Variants in PIK3C2B observed in about 807,000 individuals in gnomAD.
PIK3C2B encodes the protein phosphatidylinositol 4-phosphate 3-kinase C2 domain-containing subunit beta.
In PIK3C2B, 83 loss-of-function variants were observed where a neutral mutation model predicts 184.3. The observed-to-expected ratio is 0.45, with a 90% CI of 0.38 to 0.54. The LOEUF (loss-of-function observed/expected upper bound fraction) is 0.54. Among genes scored for constraint, PIK3C2B ranks in the 20% least tolerant of loss-of-function variants. The probability of loss-of-function intolerance (pLI) is 0.00; values close to 1 mark genes in which losing one functional copy is unlikely to be tolerated. For synonymous variants in PIK3C2B, 779 were observed against 837.6 expected (o/e 0.93, Z 1.21); for missense variants, 1,736 against 2,113.5 (o/e 0.82, Z 3.50).
At chr1:204,434,679 C>T in intron 23 of PIK3C2B, 71 bp from the exon 24 acceptor site, 1 of 1,303,598 alleles carries the variant, frequency 7.7e-7, no homozygotes, top group Non-Finnish European at 1.1e-6. Flanking sequence ...GGGCCACAGC[C>T]AGACAGAACT....
intron 31 of PIK3C2B, 126 bp from the exon 32 acceptor site, chr1:204,425,867 A>T (rs557825595): frequency 1.5e-5 from 12 of 797,528 alleles, no homozygotes; most frequent in Non-Finnish European, 2.3e-5. Flanking sequence ...TGCACAACTA[A>T]TTTATTTGTC....
intron 1 of PIK3C2B, chr1:204,489,885 T>G: frequency 5.0e-6 from 2 of 397,172 alleles, no homozygotes; most frequent in Non-Finnish European, 8.9e-6. Context: ...CCCTCTACTC[T>G]TCTTCCCTCA....
At chr1:204,462,621 T>A (rs1655428215) in intron 5 of PIK3C2B, among the ~76,000 whole-genome samples, 1 of 152,156 alleles carries the variant, frequency 6.6e-6, no homozygotes, top group African/African-American at 2.4e-5. Flanking sequence ...AGTGTGTACA[T>A]AAGTGAGTTT....
At chr1:204,452,288 C>CTTTTTTTTTTTTTT (rs71145086) in intron 12 of PIK3C2B, among the ~76,000 whole-genome samples, 1 of 71,078 alleles carries the variant, frequency 1.4e-5, no homozygotes, top group Non-Finnish European at 2.4e-5. Flanking sequence ...GTGCAGCACC[C>CTTTTTTTTTTTTTT]TTTTTTTTTT....
At chr1:204,435,800 T>G (rs1179680270) in intron 23 of PIK3C2B, 1 of 152,188 alleles carries the variant, frequency 6.6e-6, no homozygotes, top group East Asian at 1.9e-4. Flanking sequence ...AACCTGATGA[T>G]GGATCCACCA....
chr1:204,475,994 C>A (rs1346370265), intron 1 of PIK3C2B, among the ~76,000 whole-genome samples: 3 of 152,094 alleles, frequency 2.0e-5, no homozygotes, highest in Non-Finnish European at 4.4e-5. Flanking sequence ...GGAAATGGGA[C>A]AAACAGCATC....
chr1:204,455,189 G>C (rs576036246), intron 11 of PIK3C2B, among the ~76,000 whole-genome samples: 2 of 152,238 alleles, frequency 1.3e-5, no homozygotes, highest in Non-Finnish European at 1.5e-5. Context: ...GCCAACACAC[G>C]GGGGTCCCTG....
intron 23 of PIK3C2B, among the ~76,000 whole-genome samples, chr1:204,437,187 T>C (rs1457237419): frequency 3.3e-5 from 5 of 151,746 alleles, no homozygotes; most frequent in Non-Finnish European, 7.4e-5. Flanking sequence ...TTGAAGAACT[T>C]ATCCACACTT....
chr1:204,491,182 G>A lies in PIK3C2B; in HGVS notation c.-85+3174C>T, dbSNP rs571989744. On this transcript the variant is annotated intron_variant, in intron 1 of 32. Transcript: ENST00000684373. ...GCAGGTGGATCACCTGAGGTCAGGA[G>A]TTCGAGACCAGCCTGGCCAACATGG... 9.9e-5 allele frequency among the ~76,000 whole-genome samples: 15 copies of A among 152,230 alleles called. No homozygotes were observed. In the East Asian group the frequency reaches 2.7e-3, roughly 27 times the overall value.
chr1:204,472,879 T>C (rs573000350), intron 1 of PIK3C2B, among the ~76,000 whole-genome samples: 2 of 152,332 alleles, frequency 1.3e-5, no homozygotes, highest in African/African-American at 4.8e-5. Flanking sequence ...CCCAGGAGAT[T>C]CTAATGTGTA....
intron 5 of PIK3C2B, among the ~76,000 whole-genome samples, chr1:204,460,957 C>G (rs1298755858): frequency 6.6e-6 from 1 of 152,154 alleles, no homozygotes; most frequent in Non-Finnish European, 1.5e-5. Flanking sequence ...GGGCTGGGAA[C>G]TGTTGGAGAG....
At chr1:204,440,803 G>A (rs1675619408) in intron 21 of PIK3C2B, among the ~76,000 whole-genome samples, 1 of 149,910 alleles carries the variant, frequency 6.7e-6, no homozygotes, top group African/African-American at 2.5e-5. Flanking sequence ...AGTAGAGATG[G>A]GGTCTCACCA....
chr1:204,424,573 T>C lies in PIK3C2B; in HGVS notation c.*279A>G, dbSNP rs1674646565. On this transcript the variant is annotated 3_prime_UTR_variant, in exon 33 of 33. Transcript: ENST00000684373. ...CCCCACACACTCCCCAAACCAAGCA[T>C]TGCTCCCTTGACACAAGGTAAACTT... The C allele has an allele frequency of 2.1e-6, 1 of 484,046 alleles. No homozygotes were observed. Among genetic ancestry groups the C allele is most frequent in the African/African-American group, 2.4e-5 (1 of 42,546 alleles). 30.0% of individuals were successfully genotyped at this position (484,046 alleles called of 1,614,324 possible).
chr1:204,427,874 C>G (rs1674831523), intron 30 of PIK3C2B, 120 bp from the exon 31 acceptor site: 2 of 725,802 alleles, frequency 2.8e-6, no homozygotes, highest in South Asian at 3.2e-5. Context: ...GAGGCATCTA[C>G]ATAAGTGTAG....
rs371319160 is a variant in PIK3C2B at position 204,444,134 on chromosome 1, C to T, written c.2801G>A (p.Ser934Asn). The change falls in exon 18 of 33, where the codon AGC (serine) becomes AAC (asparagine). Residue 934 changes from serine to asparagine, a missense_variant. This residue lies in a region of PIK3C2B where 289 missense variants were observed against 380.4 expected (regional missense o/e 0.76). Coordinates refer to ENST00000684373, the MANE Select transcript of PIK3C2B (RefSeq NM_001377334.1). ...TTTCAGGAGGAAGCGCACCAACGGG[C>T]TGTCCAGGTAGCATTCATACTTCAG... Reference protein sequence around the residue: ...QALKYECYLDSPLVRFLLKRA... With the variant: ...QALKYECYLDNPLVRFLLKRA... 18 of 1,613,614 alleles carry T rather than the reference C, an allele frequency of 1.1e-5. No homozygotes were observed. The African/African-American group carries it at 2.3e-4, about 20-fold the overall frequency.
chr1:204,433,535 G>A lies in PIK3C2B; in HGVS notation c.3844-110C>T, dbSNP rs1675184187. Reference sequence around the variant, plus strand: ...ACAGCTAGGCTCCCTAACCCTTCTAGAGGGTGGTAGACAGATGCTGTGGGC... The same window carrying A: ...ACAGCTAGGCTCCCTAACCCTTCTAAAGGGTGGTAGACAGATGCTGTGGGC... On this transcript the variant is annotated intron_variant, in intron 25 of 32. Coordinates refer to ENST00000684373, the MANE Select transcript of PIK3C2B (RefSeq NM_001377334.1). The surrounding 1 kb of genome is among the most constrained non-coding windows in gnomAD (Gnocchi z 5.0). The A allele has an allele frequency of 3.9e-6, 3 of 771,156 alleles. No homozygotes were observed. The South Asian group carries it at 4.8e-5, about 12-fold the overall frequency. 47.8% of individuals were successfully genotyped at this position (771,156 alleles called of 1,614,324 possible).
At chr1:204,428,274 A>G in intron 29 of PIK3C2B, 54 bp from the exon 30 acceptor site, 1 of 1,081,874 alleles carries the variant, frequency 9.2e-7, no homozygotes, top group East Asian at 2.4e-5. Context: ...GGCCCAATAC[A>G]AAAAGGAAGG....
chr1:204,433,207 A>T lies in PIK3C2B; in HGVS notation c.3953+109T>A. ...ATCCACGTGGTCAGCTCTAGGCTCT[A>T]GCATCTGAGCTAAGCTTTTCACCTT... On this transcript the variant is annotated intron_variant, in intron 26 of 32. Transcript: ENST00000684373. The surrounding 1 kb of genome is among the most constrained non-coding windows in gnomAD (Gnocchi z 5.0). The T allele has an allele frequency of 1.6e-6, 1 of 640,104 alleles. No homozygotes were observed. The allele number at this position is 640,104 out of a possible 1,614,324, so 39.7% of individuals were successfully genotyped here.
In PIK3C2B at chr1:204,433,260, C is replaced by T. The variant is rs61757997; in HGVS notation, c.3953+56G>A. 3,571 of 958,922 alleles carry T rather than the reference C, an allele frequency of 3.7e-3. 76 individuals are homozygous for T. The African/African-American group carries it at 0.047, about 13-fold the overall frequency. The allele number at this position is 958,922 out of a possible 1,614,324, so 59.4% of individuals were successfully genotyped here. A position where few individuals can be genotyped will look rare whatever the true frequency, so the allele number is the denominator to read the frequency against. ...CCCAGTCCTCCTCCTGCCAATCCGG[C>T]AGGCTGGGAATTACTCAGGGTGGGC... On this transcript the variant is annotated intron_variant, in intron 26 of 32. Coordinates refer to ENST00000684373, the MANE Select transcript of PIK3C2B (RefSeq NM_001377334.1). The surrounding 1 kb of genome is among the most constrained non-coding windows in gnomAD (Gnocchi z 5.0).
Sources: allele counts gnomAD v4.1 joint callset (sites outside exome capture counted in the v4.1 genomes callset), GRCh38; gene constraint gnomAD v4.1.1; regional missense constraint gnomAD v4.1.1; non-coding constraint Gnocchi (gnomAD v3.1); transcripts MANE v1.5; gene names NCBI Gene and HGNC (gene_info 2026-07-23, HGNC 2026-07-21).